The following PAWR variants were observed in gnomAD, a reference collection of about 807,000 sequenced individuals.
PAWR encodes PRKC apoptosis WT1 regulator protein.
In PAWR, 23 loss-of-function variants were observed where a neutral mutation model predicts 32.0. The observed-to-expected ratio is 0.72, with a 90% CI of 0.52 to 1.02. PAWR has a LOEUF of 1.02. Ranked by LOEUF, PAWR falls within the 50% of genes least tolerant of loss-of-function variation. The probability of loss-of-function intolerance (pLI) is 0.00; values close to 1 mark genes in which losing one functional copy is unlikely to be tolerated. For synonymous variants in PAWR, 226 were observed against 187.1 expected, an observed-to-expected ratio of 1.21 and a Z score of -1.70; for missense variants, 457 against 437.7, an observed-to-expected ratio of 1.04 and a Z score of -0.39.
chr12:79,663,610 A>C (rs1381669810), intron 2 of PAWR, among the ~76,000 whole-genome samples: 4 of 152,156 alleles, frequency 2.6e-5, no homozygotes, highest in African/African-American at 9.7e-5. Context: ...AATACAAAAA[A>C]TTAGCTGGGT....
intron 6 of PAWR, among the ~76,000 whole-genome samples, chr12:79,593,770 T>A (rs1390711477): frequency 6.8e-6 from 1 of 147,884 alleles, no homozygotes; most frequent in African/African-American, 2.5e-5. Flanking sequence ...CAGCGCAATC[T>A]TGGCTCACTG....
rs1413027634 is a variant in PAWR at position 79,587,123 on chromosome 12, T to C, written c.*5484A>G. On this transcript the variant is annotated 3_prime_UTR_variant, in exon 7 of 7. Coordinates refer to ENST00000328827, the MANE Select transcript of PAWR (RefSeq NM_002583.4). ...AAATTGAGTTTGATGAAGTCTAAGA[T>C]GAAAGGTTCCATTTCATGTAAGATT... The C allele has an allele frequency of 6.6e-6, 1 of 152,104 alleles. No homozygotes were observed. Among genetic ancestry groups the C allele is most frequent in the Non-Finnish European group, 1.5e-5 (1 of 67,966 alleles). 9.4% of individuals were successfully genotyped at this position (152,104 alleles called of 1,614,324 possible).
intron 2 of PAWR, among the ~76,000 whole-genome samples, chr12:79,648,812 A>C (rs2136791285): frequency 6.6e-6 from 1 of 151,628 alleles, no homozygotes; most frequent in South Asian, 2.1e-4. Context: ...AAATAAAAAA[A>C]CCCTAAAAGG....
intron 2 of PAWR, among the ~76,000 whole-genome samples, chr12:79,628,442 G>C (rs1028501782): frequency 6.6e-6 from 1 of 151,980 alleles, no homozygotes; most frequent in Non-Finnish European, 1.5e-5. Flanking sequence ...CTAGCAGAAG[G>C]CAAGAAATAA....
chr12:79,661,998 T>C (rs930529999), intron 2 of PAWR, among the ~76,000 whole-genome samples: 3 of 152,082 alleles, frequency 2.0e-5, no homozygotes, highest in African/African-American at 7.2e-5. Flanking sequence ...CCAAAGATAG[T>C]ATTTTCAAAA....
At chr12:79,613,295 A>G (rs181813210) in intron 4 of PAWR, among the ~76,000 whole-genome samples, 162 of 152,340 alleles carry the variant, frequency 1.1e-3, no homozygotes, top group African/African-American at 3.8e-3. Flanking sequence ...TATATTTTCA[A>G]TGTTTAAATA....
intron 2 of PAWR, among the ~76,000 whole-genome samples, chr12:79,626,162 T>TAA (rs1566007978): frequency 4.8e-5 from 2 of 41,858 alleles, no homozygotes; most frequent in African/African-American, 3.1e-4. Context: ...AGACTCCATC[T>TAA]TAAAAAAAAA....
At chr12:79,654,333 A>T (rs1055616921) in intron 2 of PAWR, among the ~76,000 whole-genome samples, 2 of 152,206 alleles carry the variant, frequency 1.3e-5, no homozygotes, top group African/African-American at 4.8e-5. Flanking sequence ...AGTACATGTG[A>T]TCAATAAATT....
chr12:79,623,796 A>T (rs1875147438), intron 2 of PAWR, among the ~76,000 whole-genome samples: 1 of 152,206 alleles, frequency 6.6e-6, no homozygotes, highest in Admixed American at 6.5e-5. Context: ...TACATAAGAT[A>T]TCAAAAAAAT....
At chr12:79,683,649 T>C (rs922211228) in intron 2 of PAWR, among the ~76,000 whole-genome samples, 4 of 151,920 alleles carry the variant, frequency 2.6e-5, no homozygotes, top group Non-Finnish European at 5.9e-5. Flanking sequence ...CCCAAATGTT[T>C]AGATGACAGA....
intron 2 of PAWR, among the ~76,000 whole-genome samples, chr12:79,651,405 T>C (rs1337007465): frequency 2.0e-5 from 3 of 152,176 alleles, no homozygotes; most frequent in African/African-American, 7.2e-5. Flanking sequence ...GTGCATAATT[T>C]GCATTTGAAG....
intron 2 of PAWR, among the ~76,000 whole-genome samples, chr12:79,652,081 C>T (rs912673452): frequency 5.9e-5 from 9 of 151,562 alleles, no homozygotes; most frequent in Non-Finnish European, 1.2e-4. Context: ...GGTGGTTGGC[C>T]AGAGGGGGGT....
intron 2 of PAWR, among the ~76,000 whole-genome samples, chr12:79,622,482 A>G (rs8176863): frequency 0.019 from 2,856 of 152,122 alleles, 102 homozygotes; most frequent in African/African-American, 0.065. Context: ...GACAGGTCCC[A>G]GAGTGTGATG....
In PAWR at chr12:79,601,897, C is replaced by G. The variant is rs539605294; in HGVS notation, c.684-5239G>C. On this transcript the variant is annotated intron_variant, in intron 4 of 6. Transcript: ENST00000328827. ...TTTTTTAAAAAGTTTCACTTAAAAC[C>G]TCAAAATCAGCGTAATTTTTCTTAA... is the stretch of plus-strand genomic sequence containing the variant. Among the ~76,000 whole-genome samples, 4 of 152,176 alleles carry G rather than the reference C, an allele frequency of 2.6e-5. No individual in the cohort carries two copies. In the South Asian group the frequency reaches 8.3e-4, roughly 32 times the overall value.
chr12:79,615,082 C>A (rs907789411), intron 3 of PAWR, among the ~76,000 whole-genome samples: 8 of 152,174 alleles, frequency 5.3e-5, no homozygotes, highest in African/African-American at 1.9e-4. Flanking sequence ...AGAAAACTAA[C>A]TGGGATATGG....
In PAWR at chr12:79,586,442, T is replaced by G. The variant is rs1873386962; in HGVS notation, c.*6165A>C. 6.6e-6 allele frequency: 1 copy of G among 152,542 alleles called. No individual in the cohort carries two copies. The highest frequency in any genetic ancestry group is 6.5e-5 in the Admixed American group (1 of 15,284). The allele number at this position is 152,542 out of a possible 1,614,324, so 9.4% of individuals were successfully genotyped here. Reference sequence around the variant, plus strand: ...ATGTCCACTGATGACATAATCTACCTTTGGTTAATCACAGCAAATAGTTCA... The same window carrying G: ...ATGTCCACTGATGACATAATCTACCGTTGGTTAATCACAGCAAATAGTTCA... On this transcript the variant is annotated 3_prime_UTR_variant, in exon 7 of 7. Transcript: ENST00000328827.
chr12:79,687,645 A>G (rs1052055938), intron 2 of PAWR, among the ~76,000 whole-genome samples: 4 of 152,162 alleles, frequency 2.6e-5, no homozygotes, highest in African/African-American at 9.7e-5. Flanking sequence ...GCTAAATTAA[A>G]TATTACACAA....
At position 79,589,701 on chromosome 12, in the gene PAWR, T is replaced by G. The variant is rs1265845678; in HGVS notation, c.*2906A>C. The G allele has an allele frequency of 1.3e-5, 2 of 152,174 alleles. No homozygotes were observed. Among genetic ancestry groups the G allele is most frequent in the Non-Finnish European group, 2.9e-5 (2 of 68,028 alleles). 9.4% of individuals were successfully genotyped at this position (152,174 alleles called of 1,614,324 possible). A position where few individuals can be genotyped will look rare whatever the true frequency, so the allele number is the denominator to read the frequency against. On this transcript the variant is annotated 3_prime_UTR_variant, in exon 7 of 7. Transcript: ENST00000328827. ...TAAAGATTACTATAGCAATCTTCAA[T>G]TAATTCATTTCAGAAATCAAGGAGG... is the stretch of plus-strand genomic sequence containing the variant.
At chr12:79,631,235 G>A (rs1051200670) in intron 2 of PAWR, among the ~76,000 whole-genome samples, 1 of 152,038 alleles carries the variant, frequency 6.6e-6, no homozygotes, top group East Asian at 1.9e-4. Flanking sequence ...TTTTCCCCTG[G>A]GACCAAGAAT....
Sources: gnomAD v4.1 joint callset for allele counts (sites outside exome capture counted in the v4.1 genomes callset) on GRCh38, gnomAD v4.1.1 for gene constraint, MANE v1.5 for transcripts, NCBI Gene and HGNC (gene_info 2026-07-23, HGNC 2026-07-21) for gene names.